Variants in ARHGAP24 observed in about 807,000 individuals in gnomAD.
ARHGAP24 encodes the protein Rho GTPase activating protein 24.
A neutral mutation model predicts 76.4 loss-of-function variants in ARHGAP24; 50 were observed. That is an observed-to-expected ratio of 0.65 (90% CI 0.52 to 0.83). The LOEUF is 0.83. Ranked by LOEUF, ARHGAP24 falls within the 40% of genes least tolerant of loss-of-function variation. The pLI, the probability that ARHGAP24 is intolerant of heterozygous loss-of-function variation, is 0.00. For synonymous variants in ARHGAP24, 345 were observed against 323.3 expected, an observed-to-expected ratio of 1.07 and a Z score of -0.72; for missense variants, 930 against 914.2, an observed-to-expected ratio of 1.02 and a Z score of -0.22.
chr4:85,627,384 A>G (rs1317938492), intron 2 of ARHGAP24, among the ~76,000 whole-genome samples: 1 of 152,074 alleles, frequency 6.6e-6, no homozygotes, highest in Non-Finnish European at 1.5e-5. Context: ...GCTGCAGAAC[A>G]TTGTATATTG....
At chr4:85,666,368 T>G (rs1269901706) in intron 2 of ARHGAP24, among the ~76,000 whole-genome samples, 3 of 152,176 alleles carry the variant, frequency 2.0e-5, no homozygotes, top group Non-Finnish European at 4.4e-5. Flanking sequence ...CACTTCTCTG[T>G]ATTGGTTATT....
chr4:85,477,509 T>A (rs953317768), intron 1 of ARHGAP24, among the ~76,000 whole-genome samples: 1 of 152,206 alleles, frequency 6.6e-6, no homozygotes, highest in Non-Finnish European at 1.5e-5. Context: ...CCCAGGGAAA[T>A]CCTTTCAGCT....
chr4:85,867,581 C>T (rs1310504900), intron 3 of ARHGAP24, among the ~76,000 whole-genome samples: 1 of 151,790 alleles, frequency 6.6e-6, no homozygotes. Context: ...AATTGTTTGG[C>T]TTGCTTCATA....
intron 3 of ARHGAP24, among the ~76,000 whole-genome samples, chr4:85,780,560 G>C (rs1727506305): frequency 1.3e-5 from 2 of 151,878 alleles, no homozygotes; most frequent in South Asian, 4.2e-4. Flanking sequence ...TTTACTTACT[G>C]GTGTAGACAG....
chr4:85,652,016 AAATAGTG>A (rs1194911035), intron 2 of ARHGAP24, among the ~76,000 whole-genome samples: 1 of 152,184 alleles, frequency 6.6e-6, no homozygotes, highest in Non-Finnish European at 1.5e-5. Context: ...GATAATTTTA[AAATAGTG>A]ATGAAAATGG....
intron 2 of ARHGAP24, among the ~76,000 whole-genome samples, chr4:85,582,650 T>C (rs773815764): frequency 2.0e-5 from 3 of 152,080 alleles, no homozygotes; most frequent in Non-Finnish European, 4.4e-5. Context: ...TATGTCAATA[T>C]CCAAAAAGTG....
At chr4:85,935,893 G>A (rs1736605401) in intron 4 of ARHGAP24, among the ~76,000 whole-genome samples, 1 of 152,066 alleles carries the variant, frequency 6.6e-6, no homozygotes, top group South Asian at 2.1e-4. Flanking sequence ...AAAGAGTAAA[G>A]ATTCTATCAA....
intron 2 of ARHGAP24, among the ~76,000 whole-genome samples, chr4:85,636,821 A>T (rs1721325938): frequency 6.6e-6 from 1 of 152,062 alleles, no homozygotes; most frequent in Non-Finnish European, 1.5e-5. Flanking sequence ...AGTCATATAC[A>T]GTAATTTGAT....
chr4:85,896,903 G>A (rs983945391), intron 3 of ARHGAP24, among the ~76,000 whole-genome samples: 10 of 151,992 alleles, frequency 6.6e-5, no homozygotes, highest in African/African-American at 1.5e-4. Context: ...TTTATACCCC[G>A]TGAGCACTGG....
intron 1 of ARHGAP24, among the ~76,000 whole-genome samples, chr4:85,565,697 A>G (rs1238977697): frequency 6.6e-6 from 1 of 151,928 alleles, no homozygotes; most frequent in African/African-American, 2.4e-5. Context: ...CTCTCCTACT[A>G]TTTCATTCTC....
intron 1 of ARHGAP24, among the ~76,000 whole-genome samples, chr4:85,524,103 T>C (rs111479854): frequency 0.01 from 1,568 of 152,196 alleles, 14 homozygotes; most frequent in East Asian, 0.018. Context: ...CACAGGCTCA[T>C]ATGCAGGTAG....
At chr4:85,567,953 T>C (rs1726912953) in intron 1 of ARHGAP24, among the ~76,000 whole-genome samples, 1 of 152,224 alleles carries the variant, frequency 6.6e-6, no homozygotes. Context: ...TTAGCATTAG[T>C]AAAGCACTTT....
intron 1 of ARHGAP24, among the ~76,000 whole-genome samples, chr4:85,528,344 T>A (rs951773099): frequency 6.6e-6 from 1 of 152,120 alleles, no homozygotes; most frequent in Admixed American, 6.6e-5. Context: ...TTATTGCTTA[T>A]TTTTAATTGT....
chr4:85,915,771 T>C (rs1578383387), intron 3 of ARHGAP24, among the ~76,000 whole-genome samples: 1 of 152,244 alleles, frequency 6.6e-6, no homozygotes, highest in African/African-American at 2.4e-5. Context: ...TATGGCTGCA[T>C]AGTATTCCAT....
In ARHGAP24 at chr4:85,676,649, G is replaced by GTAT. The variant is rs146941726; in HGVS notation, c.181-45234_181-45232dup. On this transcript the variant is annotated intron_variant, in intron 2 of 9. Transcript: ENST00000395184. ...TTTGGCTCCCAAGGACCTATTGTAG[G>GTAT]TATTCACAGTGCACATTTTAGGTCT... 8.1e-3 allele frequency among the ~76,000 whole-genome samples: 1,230 copies of GTAT among 152,198 alleles called. 16 individuals are homozygous for GTAT. The highest frequency in any genetic ancestry group is 0.028 in the African/African-American group (1,146 of 41,504).
At chr4:85,953,175 T>A (rs346491) in intron 5 of ARHGAP24, among the ~76,000 whole-genome samples, 1 of 151,858 alleles carries the variant, frequency 6.6e-6, no homozygotes, top group Non-Finnish European at 1.5e-5. Context: ...ATGAAGCCAG[T>A]AATTTTACAC....
chr4:85,737,060 G>A (rs1389754727), intron 3 of ARHGAP24, among the ~76,000 whole-genome samples: 1 of 152,118 alleles, frequency 6.6e-6, no homozygotes, highest in Non-Finnish European at 1.5e-5. Context: ...GGTACTCAAT[G>A]GAAAAAGAAT....
At chr4:85,966,160 T>G (rs919340464) in intron 5 of ARHGAP24, among the ~76,000 whole-genome samples, 28 of 152,220 alleles carry the variant, frequency 1.8e-4, no homozygotes, top group Middle Eastern at 6.8e-3. Flanking sequence ...CTTTTTAGTG[T>G]CTCATTTTAT....
At chr4:85,540,341 G>A (rs970378586) in intron 1 of ARHGAP24, among the ~76,000 whole-genome samples, 8 of 152,006 alleles carry the variant, frequency 5.3e-5, no homozygotes, top group South Asian at 4.2e-4. Context: ...TTTAAACATC[G>A]CCAATAATTC....
Sources: allele counts gnomAD v4.1 joint callset (sites outside exome capture counted in the v4.1 genomes callset), GRCh38; gene constraint gnomAD v4.1.1; transcripts MANE v1.5; gene names NCBI Gene and HGNC (gene_info 2026-07-23, HGNC 2026-07-21).